The following PARD3B variants were observed in gnomAD, a reference collection of about 807,000 sequenced individuals.
The protein encoded by PARD3B is par-3 family cell polarity regulator beta, also known as partitioning defective 3 homolog B.
Under a neutral mutation model 130.2 loss-of-function variants are expected in PARD3B, and 103 were observed. That is an observed-to-expected ratio of 0.79 (90% confidence interval 0.67 to 0.93). PARD3B has a LOEUF of 0.93. Ranked by LOEUF, PARD3B falls within the 40% of genes least tolerant of loss-of-function variation. PARD3B has a pLI of 0.00. For missense variants in PARD3B, 1,609 were observed against 1,499.2 expected (o/e 1.07, Z -1.21); for synonymous variants, 583 against 553.2 (o/e 1.05, Z -0.76).
At chr2:205,165,230 T>C (rs1004709917) in intron 11 of PARD3B, among the ~76,000 whole-genome samples, 2 of 152,082 alleles carry the variant, frequency 1.3e-5, no homozygotes, top group African/African-American at 4.8e-5. Flanking sequence ...GAGAAGAAAC[T>C]GGAATGACAG....
At chr2:205,512,284 C>T (rs1430826824) in intron 21 of PARD3B, among the ~76,000 whole-genome samples, 2 of 152,012 alleles carry the variant, frequency 1.3e-5, no homozygotes, top group African/African-American at 4.8e-5. Flanking sequence ...AAGTTGATAC[C>T]ACTGAATTTT....
intron 1 of PARD3B, among the ~76,000 whole-genome samples, chr2:204,676,253 T>C (rs899481799): frequency 2.6e-5 from 4 of 152,114 alleles, no homozygotes; most frequent in Non-Finnish European, 4.4e-5. Flanking sequence ...AGTATTTCTT[T>C]TACCTTGGAG....
chr2:204,725,218 A>T (rs2039170154), intron 2 of PARD3B, among the ~76,000 whole-genome samples: 1 of 152,236 alleles, frequency 6.6e-6, no homozygotes. Context: ...GGAACTATTT[A>T]TATGACGTAA....
chr2:204,880,827 T>A (rs1314419181), intron 2 of PARD3B, among the ~76,000 whole-genome samples: 1 of 152,134 alleles, frequency 6.6e-6, no homozygotes, highest in East Asian at 1.9e-4. Flanking sequence ...CAGAGCTAAC[T>A]AATGCAGTAA....
intron 1 of PARD3B, among the ~76,000 whole-genome samples, chr2:204,603,061 G>A (rs192614890): frequency 2.8e-3 from 424 of 152,178 alleles, no homozygotes; most frequent in Middle Eastern, 0.01. Flanking sequence ...AATATCCTAT[G>A]AAACTCTAAA....
chr2:204,832,721 G>T (rs1006125578), intron 2 of PARD3B, among the ~76,000 whole-genome samples: 4 of 152,122 alleles, frequency 2.6e-5, no homozygotes, highest in African/African-American at 7.2e-5. Context: ...CTCAGATAGG[G>T]CTGTGGCTGA....
chr2:205,007,782 A>T (rs942840160), intron 3 of PARD3B, among the ~76,000 whole-genome samples: 3 of 152,192 alleles, frequency 2.0e-5, no homozygotes, highest in Non-Finnish European at 4.4e-5. Flanking sequence ...TTTGGGCAGT[A>T]TGATCTCATT....
chr2:205,320,175 A>AAG (rs56949957), intron 18 of PARD3B, among the ~76,000 whole-genome samples: 1 of 126,426 alleles, frequency 7.9e-6, no homozygotes, highest in Non-Finnish European at 1.6e-5. Context: ...GAAAGAAAGA[A>AAG]AGAGAGAGAG....
At chr2:205,456,048 G>A (rs894587809) in intron 20 of PARD3B, among the ~76,000 whole-genome samples, 2 of 152,072 alleles carry the variant, frequency 1.3e-5, no homozygotes, top group African/African-American at 2.4e-5. Context: ...AAATGGGGTA[G>A]CATGTGACCT....
intron 5 of PARD3B, among the ~76,000 whole-genome samples, chr2:205,111,709 G>A (rs1018047180): frequency 5.9e-5 from 9 of 152,074 alleles, no homozygotes; most frequent in Admixed American, 3.9e-4. Flanking sequence ...CTCTCAGCAT[G>A]TGGATACTTG....
chr2:205,615,955 A>C lies in PARD3B; in HGVS notation c.*142A>C. ...TTTCTCACTGACATTGTAACGCATG[A>C]CTGCTAATCAGAGAGAAAAAGAAGG... On this transcript the variant is annotated 3_prime_UTR_variant, in exon 23 of 23. Coordinates refer to ENST00000406610, the MANE Select transcript of PARD3B (RefSeq NM_001302769.2). The C allele has an allele frequency of 7.0e-6, 5 of 710,752 alleles. No homozygotes were observed. 44.0% of individuals were successfully genotyped at this position (710,752 alleles called of 1,614,324 possible). A position where few individuals can be genotyped will look rare whatever the true frequency, so the allele number is the denominator to read the frequency against.
At chr2:205,178,799 A>G (rs373381072) in intron 13 of PARD3B, among the ~76,000 whole-genome samples, 33 of 152,338 alleles carry the variant, frequency 2.2e-4, no homozygotes, top group African/African-American at 7.9e-4. Context: ...TTGGTCAACA[A>G]CAGACCACAT....
chr2:204,656,397 G>A (rs2035641930), intron 1 of PARD3B, among the ~76,000 whole-genome samples: 1 of 152,098 alleles, frequency 6.6e-6, no homozygotes, highest in Admixed American at 6.5e-5. Context: ...AACATGTATG[G>A]GCAGTATGAG....
rs2035923424 is a variant in PARD3B at position 205,183,716 on chromosome 2, G to A, written c.1925-2048G>A. On this transcript the variant is annotated intron_variant, in intron 13 of 22. Coordinates refer to ENST00000406610, the MANE Select transcript of PARD3B (RefSeq NM_001302769.2). This position sits in a 1 kb window ranked among gnomAD's most constrained non-coding sequence, Gnocchi z 5.2. ...TGTGTATTTCTCAGGGTTCTGCAGA[G>A]AAACAGAACCAAGTTGTGTGTGTGT... Among the ~76,000 whole-genome samples, 1 of 149,700 alleles carries A rather than the reference G, an allele frequency of 6.7e-6. No homozygotes were observed. The highest frequency in any genetic ancestry group is 1.5e-5 in the Non-Finnish European group (1 of 67,718).
chr2:205,095,302 T>C (rs1702331504), intron 4 of PARD3B, among the ~76,000 whole-genome samples: 1 of 152,178 alleles, frequency 6.6e-6, no homozygotes, highest in Non-Finnish European at 1.5e-5. Flanking sequence ...ATTATAAACA[T>C]GTTTATATCA....
intron 3 of PARD3B, among the ~76,000 whole-genome samples, chr2:204,996,822 C>T (rs951589934): frequency 1.3e-3 from 186 of 147,326 alleles, no homozygotes; most frequent in African/African-American, 4.2e-3. Context: ...GCGCAATATT[C>T]GGGTGGGAGT....
chr2:204,605,123 T>C (rs1466369992), intron 1 of PARD3B, among the ~76,000 whole-genome samples: 1 of 152,170 alleles, frequency 6.6e-6, no homozygotes, highest in Non-Finnish European at 1.5e-5. Context: ...CAAGCAGAGC[T>C]GCAAGGCTTC....
intron 1 of PARD3B, among the ~76,000 whole-genome samples, chr2:204,637,751 C>A (rs1241988460): frequency 2.0e-5 from 3 of 149,174 alleles, no homozygotes; most frequent in African/African-American, 7.4e-5. Context: ...TTCCCTCTGT[C>A]CCCCTTGACC....
chr2:205,361,737 G>T (rs562918353), intron 18 of PARD3B, among the ~76,000 whole-genome samples: 84 of 152,156 alleles, frequency 5.5e-4, no homozygotes, highest in African/African-American at 2.0e-3. Flanking sequence ...GCTTTTCTCC[G>T]TGCATACCAC....
Sources: allele counts gnomAD v4.1 joint callset (sites outside exome capture counted in the v4.1 genomes callset), GRCh38; gene constraint gnomAD v4.1.1; non-coding constraint Gnocchi (gnomAD v3.1); transcripts MANE v1.5; gene names NCBI Gene and HGNC (gene_info 2026-07-23, HGNC 2026-07-21).